FOXP2: variants seen among roughly 807,000 people sequenced by gnomAD.
FOXP2 encodes forkhead box protein P2.
FOXP2 carries 12 observed loss-of-function variants against 115.8 expected under a neutral mutation model. The observed-to-expected ratio is 0.10, with a 90% CI of 0.07 to 0.17. The LOEUF (loss-of-function observed/expected upper bound fraction) is 0.17. Among genes scored for constraint, FOXP2 ranks in the 10% least tolerant of loss-of-function variants. The probability of loss-of-function intolerance (pLI) is 1.00; values close to 1 mark genes in which losing one functional copy is unlikely to be tolerated. For missense variants in FOXP2, 629 were observed against 843.5 expected (o/e 0.75, Z 3.15); for synonymous variants, 328 against 297.7 (o/e 1.10, Z -1.05).
rs899660475 is a variant in FOXP2 at position 114,690,060 on chromosome 7, A to G, written c.*134A>G. 3 of 1,081,288 alleles carry G rather than the reference A, an allele frequency of 2.8e-6. No homozygotes were observed. Among genetic ancestry groups the G allele is most frequent in the East Asian group, 2.5e-5 (1 of 40,210 alleles). 67.0% of individuals were successfully genotyped at this position (1,081,288 alleles called of 1,614,324 possible). A position where few individuals can be genotyped will look rare whatever the true frequency, so the allele number is the denominator to read the frequency against. ...GGATAAAGGAGACAGCCCTAAAGGAACTTACTAAGCCAGCCCTTTGGGATT... is the reference window on the plus strand; with the variant it reads ...GGATAAAGGAGACAGCCCTAAAGGAGCTTACTAAGCCAGCCCTTTGGGATT... On this transcript the variant is annotated 3_prime_UTR_variant, in exon 17 of 17. Transcript: ENST00000350908.
At chr7:114,276,487 C>CT (rs1796192106) in intron 1 of FOXP2, among the ~76,000 whole-genome samples, 2 of 152,084 alleles carry the variant, frequency 1.3e-5, no homozygotes, top group African/African-American at 4.8e-5. Context: ...TTAAATGGTT[C>CT]TTTTTCCCCT....
At chr7:114,650,377 A>G (rs1806180274) in intron 8 of FOXP2, among the ~76,000 whole-genome samples, 1 of 151,710 alleles carries the variant, frequency 6.6e-6, no homozygotes, top group South Asian at 2.1e-4. Context: ...AATATGCAAC[A>G]TTTTTTCTTA....
intron 3 of FOXP2, chr7:114,538,338 C>T: frequency 7.7e-7 from 1 of 1,303,078 alleles, no homozygotes. Context: ...ATGAGACAGA[C>T]TTGTGGTTCT....
intron 10 of FOXP2, 36 bp downstream of exon 10, chr7:114,654,045 C>T (rs1488534157): frequency 2.5e-6 from 4 of 1,612,550 alleles, no homozygotes; most frequent in Non-Finnish European, 3.4e-6. Context: ...GTAAATAGCT[C>T]TACCAATGTA....
At chr7:114,123,803 T>C (rs1359187476) in intron 1 of FOXP2, among the ~76,000 whole-genome samples, 1 of 152,158 alleles carries the variant, frequency 6.6e-6, no homozygotes, top group East Asian at 1.9e-4. Flanking sequence ...AAAACATTTT[T>C]AAAAGCATTA....
At chr7:114,484,902 T>A (rs1037925004) in intron 2 of FOXP2, among the ~76,000 whole-genome samples, 5 of 152,068 alleles carry the variant, frequency 3.3e-5, no homozygotes, top group South Asian at 2.1e-4. Flanking sequence ...CCAGTTTTTT[T>A]AAAATTGGTA....
intron 8 of FOXP2, among the ~76,000 whole-genome samples, chr7:114,648,944 G>C (rs901657835): frequency 6.6e-6 from 1 of 152,006 alleles, no homozygotes; most frequent in Admixed American, 6.6e-5. Flanking sequence ...GGACATTAGG[G>C]ACTGGAGCTA....
chr7:114,447,181 T>C (rs1240008544), intron 2 of FOXP2, among the ~76,000 whole-genome samples: 1 of 152,146 alleles, frequency 6.6e-6, no homozygotes, highest in Non-Finnish European at 1.5e-5. Context: ...ACCTCCTAAA[T>C]ATCTTTTGAT....
At chr7:114,491,338 C>A (rs1797042331) in intron 2 of FOXP2, among the ~76,000 whole-genome samples, 1 of 152,188 alleles carries the variant, frequency 6.6e-6, no homozygotes, top group Non-Finnish European at 1.5e-5. Context: ...CCTTCACCCA[C>A]TTTTCGATGG....
chr7:114,184,772 A>G (rs977143501), intron 1 of FOXP2, among the ~76,000 whole-genome samples: 1 of 152,222 alleles, frequency 6.6e-6, no homozygotes, highest in Non-Finnish European at 1.5e-5. Flanking sequence ...TGTAATATAT[A>G]TGCAAAACTG....
At chr7:114,620,792 T>G (rs1354311421) in intron 3 of FOXP2, among the ~76,000 whole-genome samples, 1 of 152,098 alleles carries the variant, frequency 6.6e-6, no homozygotes, top group Non-Finnish European at 1.5e-5. Flanking sequence ...TTTAAGCTAT[T>G]CATGGATGAA....
intron 1 of FOXP2, among the ~76,000 whole-genome samples, chr7:114,138,393 CTT>C (rs34769199): frequency 2.2e-5 from 3 of 138,468 alleles, no homozygotes; most frequent in African/African-American, 5.4e-5. Context: ...TAAGCCTATT[CTT>C]TTTTTTTTTT....
At chr7:114,520,427 C>T (rs1477382335) in intron 2 of FOXP2, among the ~76,000 whole-genome samples, 1 of 152,078 alleles carries the variant, frequency 6.6e-6, no homozygotes, top group Non-Finnish European at 1.5e-5. Context: ...TTAAAAGCAA[C>T]ACTATCAGGT....
At chr7:114,210,926 G>T (rs895123725) in intron 1 of FOXP2, among the ~76,000 whole-genome samples, 1 of 152,140 alleles carries the variant, frequency 6.6e-6, no homozygotes, top group African/African-American at 2.4e-5. Flanking sequence ...GCCACGTTCT[G>T]GCAAAACAGT....
chr7:114,201,876 C>A (rs1014158339), intron 1 of FOXP2, among the ~76,000 whole-genome samples: 1 of 152,124 alleles, frequency 6.6e-6, no homozygotes, highest in African/African-American at 2.4e-5. Context: ...TTGATACTAC[C>A]CTTAAGCAGT....
chr7:114,091,756 A>C (rs921838311), intron 1 of FOXP2, among the ~76,000 whole-genome samples: 3 of 152,008 alleles, frequency 2.0e-5, no homozygotes, highest in African/African-American at 7.2e-5. Flanking sequence ...GTACAATTTG[A>C]ATGGTTAAAT....
chr7:114,163,181 A>G (rs955407251), intron 1 of FOXP2: 5 of 152,090 alleles, frequency 3.3e-5, no homozygotes, highest in Non-Finnish European at 4.4e-5. Context: ...TATTGTTTGG[A>G]TTTTTTCCTC....
At chr7:114,492,526 C>T (rs1426008562) in intron 2 of FOXP2, among the ~76,000 whole-genome samples, 1 of 151,928 alleles carries the variant, frequency 6.6e-6, no homozygotes, top group Non-Finnish European at 1.5e-5. Flanking sequence ...TTATATCTTT[C>T]CTGCTTTCTC....
intron 2 of FOXP2, among the ~76,000 whole-genome samples, chr7:114,314,161 C>T (rs929588965): frequency 4.0e-5 from 6 of 151,384 alleles, no homozygotes; most frequent in Non-Finnish European, 7.4e-5. Context: ...TTTTTTCTTG[C>T]TATGGAATAT....
Sources: gnomAD v4.1 joint callset for allele counts (sites outside exome capture counted in the v4.1 genomes callset) on GRCh38, gnomAD v4.1.1 for gene constraint, MANE v1.5 for transcripts, NCBI Gene and HGNC (gene_info 2026-07-23, HGNC 2026-07-21) for gene names.